The following PPP1R21 variants were observed in gnomAD, a reference collection of about 807,000 sequenced individuals.
The protein encoded by PPP1R21 is KLRAQ motif containing 1.
PPP1R21 carries 85 observed loss-of-function variants against 112.8 expected under a neutral mutation model. The ratio of observed to expected loss-of-function variants is 0.75; its 90% CI spans 0.63 to 0.90. The LOEUF is 0.90. Among genes scored for constraint, PPP1R21 ranks in the 40% least tolerant of loss-of-function variants. The pLI, the probability that PPP1R21 is intolerant of heterozygous loss-of-function variation, is 0.00. For missense variants in PPP1R21, 1,199 were observed against 901.5 expected (o/e 1.33, Z -4.23); for synonymous variants, 381 against 322.3 (o/e 1.18, Z -1.95).
chr2:48,500,508 AT>A (rs34656106), intron 17 of PPP1R21, among the ~76,000 whole-genome samples: 1 of 152,182 alleles, frequency 6.6e-6, no homozygotes, highest in Non-Finnish European at 1.5e-5. Context: ...AAGAATTAAA[AT>A]TTTTAGAAAA....
chr2:48,468,371 T>C (rs1452710352), intron 9 of PPP1R21, among the ~76,000 whole-genome samples: 3 of 152,212 alleles, frequency 2.0e-5, no homozygotes, highest in African/African-American at 7.2e-5. Flanking sequence ...TACACGTCTA[T>C]TGAAGTTTGT....
At chr2:48,489,693 T>C (rs1316254810) in intron 14 of PPP1R21, among the ~76,000 whole-genome samples, 1 of 151,826 alleles carries the variant, frequency 6.6e-6, no homozygotes, top group Non-Finnish European at 1.5e-5. Flanking sequence ...GTAGCTCACC[T>C]GAGGTCACGA....
At chr2:48,469,488 CATATATATATATATATAGAGCATATAT>C (rs1462314595) in intron 9 of PPP1R21, among the ~76,000 whole-genome samples, 84 of 44,708 alleles carry the variant, frequency 1.9e-3, no homozygotes, top group East Asian at 3.9e-3. Context: ...ATATATAGAG[CATATATATATATATATAGAGCATATAT>C]ATATATATAT....
intron 19 of PPP1R21, among the ~76,000 whole-genome samples, chr2:48,509,229 G>T (rs1670523314): frequency 1.3e-5 from 2 of 152,072 alleles, no homozygotes; most frequent in African/African-American, 4.8e-5. Context: ...CGCATAATCT[G>T]TAGGGTAGGA....
chr2:48,480,810 A>T (rs1195271298), intron 13 of PPP1R21, among the ~76,000 whole-genome samples: 2 of 152,146 alleles, frequency 1.3e-5, no homozygotes, highest in Non-Finnish European at 2.9e-5. Context: ...TACTAATTGC[A>T]CAGAGAATAA....
intron 8 of PPP1R21, 45 bp downstream of exon 8, chr2:48,465,034 C>A: frequency 7.0e-7 from 1 of 1,429,660 alleles, no homozygotes. Context: ...ATATATACAT[C>A]AGACTTTCCA....
In PPP1R21 at chr2:48,454,866, G is replaced by C. The variant is rs1359215895; in HGVS notation, c.273+125G>C. The C allele has an allele frequency of 1.9e-5, 14 of 729,714 alleles. No homozygotes were observed. The East Asian group carries it at 3.8e-4, about 20-fold the overall frequency. The allele number at this position is 729,714 out of a possible 1,614,324, so 45.2% of individuals were successfully genotyped here. A position where few individuals can be genotyped will look rare whatever the true frequency, so the allele number is the denominator to read the frequency against. On this transcript the variant is annotated intron_variant, in intron 3 of 21. Transcript: ENST00000294952. ...TTTTTCTTTGTTTGTTTGAGACAGG[G>C]TCTTGCTCTGCCACCCATGCTGGAG...
At chr2:48,464,501 A>C (rs556152051) in intron 7 of PPP1R21, among the ~76,000 whole-genome samples, 6 of 152,192 alleles carry the variant, frequency 3.9e-5, no homozygotes, top group Non-Finnish European at 5.9e-5. Context: ...AGTCATTGGG[A>C]TCCACAGTGG....
intron 13 of PPP1R21, among the ~76,000 whole-genome samples, chr2:48,482,184 A>G (rs1669045295): frequency 1.3e-5 from 2 of 152,238 alleles, no homozygotes; most frequent in African/African-American, 4.8e-5. Flanking sequence ...ACATGGAATT[A>G]AAACAGGAGT....
At chr2:48,476,557 A>C (rs1336031549) in intron 12 of PPP1R21, among the ~76,000 whole-genome samples, 1 of 152,174 alleles carries the variant, frequency 6.6e-6, no homozygotes, top group South Asian at 2.1e-4. Flanking sequence ...ACCATTTTAC[A>C]TTCCTACTAG....
intron 7 of PPP1R21, among the ~76,000 whole-genome samples, chr2:48,463,271 T>C (rs569354798): frequency 3.9e-4 from 60 of 152,180 alleles, no homozygotes; most frequent in African/African-American, 1.3e-3. Context: ...AGAGGGGAGC[T>C]GTGGAAACGG....
chr2:48,494,663 G>T (rs1669741063), intron 15 of PPP1R21, among the ~76,000 whole-genome samples: 1 of 151,326 alleles, frequency 6.6e-6, no homozygotes, highest in Non-Finnish European at 1.5e-5. Flanking sequence ...AAGTCCACCC[G>T]CCTCGGCCTT....
chr2:48,510,188 T>C, intron 20 of PPP1R21, 75 bp downstream of exon 20: 3 of 1,098,286 alleles, frequency 2.7e-6, no homozygotes, highest in Non-Finnish European at 4.0e-6. Flanking sequence ...AGCATTTCTT[T>C]TCCAAAGGCA....
chr2:48,502,683 T>C (rs1046190167), intron 17 of PPP1R21, among the ~76,000 whole-genome samples: 32 of 144,174 alleles, frequency 2.2e-4, no homozygotes, highest in Admixed American at 8.9e-4. Flanking sequence ...TTTCTTTTTT[T>C]TTTTTTTTTT....
intron 14 of PPP1R21, among the ~76,000 whole-genome samples, chr2:48,487,998 A>T (rs1669387811): frequency 6.6e-6 from 1 of 152,154 alleles, no homozygotes; most frequent in South Asian, 2.1e-4. Context: ...GTCTGTCTTT[A>T]TATACTATTC....
At chr2:48,446,958 C>T (rs969383028) in intron 1 of PPP1R21, among the ~76,000 whole-genome samples, 1 of 152,080 alleles carries the variant, frequency 6.6e-6, no homozygotes, top group African/African-American at 2.4e-5. Flanking sequence ...GCCATGTTGG[C>T]TAGGCTGGTT....
intron 11 of PPP1R21, among the ~76,000 whole-genome samples, chr2:48,473,318 C>T (rs915458879): frequency 7.9e-5 from 12 of 152,094 alleles, no homozygotes; most frequent in Admixed American, 6.5e-5. Context: ...AAAATCGACT[C>T]TAGAGGTTTA....
chr2:48,460,251 T>A, intron 6 of PPP1R21, 98 bp downstream of exon 6: 1 of 1,233,472 alleles, frequency 8.1e-7, no homozygotes, highest in Non-Finnish European at 1.2e-6. Context: ...GTCTTACATT[T>A]AAAAGGAGAA....
chr2:48,484,308 A>G (rs1669173869), intron 13 of PPP1R21, among the ~76,000 whole-genome samples: 2 of 152,160 alleles, frequency 1.3e-5, no homozygotes, highest in African/African-American at 4.8e-5. Context: ...TGTTGCAAAT[A>G]CAGCCCTTTC....
Sources: gnomAD v4.1 joint callset for allele counts (sites outside exome capture counted in the v4.1 genomes callset) on GRCh38, gnomAD v4.1.1 for gene constraint, MANE v1.5 for transcripts, NCBI Gene and HGNC (gene_info 2026-07-23, HGNC 2026-07-21) for gene names.